Variants in AKAP6 observed in about 807,000 individuals in gnomAD.
AKAP6 encodes the protein A-kinase anchor protein 6.
Under a neutral mutation model 188.5 loss-of-function variants are expected in AKAP6, and 58 were observed. The observed-to-expected ratio is 0.31, with a 90% CI of 0.25 to 0.38. AKAP6 has a LOEUF of 0.38. AKAP6 is among the 10% of genes least tolerant of loss of function. The probability of loss-of-function intolerance (pLI) is 1.00; values close to 1 mark genes in which losing one functional copy is unlikely to be tolerated. For synonymous variants in AKAP6, 989 were observed against 998.6 expected (o/e 0.99, Z 0.18); for missense variants, 2,710 against 2,740.0 (o/e 0.99, Z 0.24).
chr14:32,517,736 C>T (rs542108056), intron 2 of AKAP6, among the ~76,000 whole-genome samples: 2 of 152,336 alleles, frequency 1.3e-5, no homozygotes, highest in East Asian at 1.9e-4. Context: ...CTCAAGGAGG[C>T]CTGCCTACCT....
chr14:32,705,723 C>T (rs917820519), intron 9 of AKAP6, among the ~76,000 whole-genome samples: 1 of 152,114 alleles, frequency 6.6e-6, no homozygotes, highest in Non-Finnish European at 1.5e-5. Context: ...AAATATGCCC[C>T]AAATCTCAGA....
intron 1 of AKAP6, among the ~76,000 whole-genome samples, chr14:32,411,958 C>T (rs886129976): frequency 4.6e-5 from 2 of 43,160 alleles, no homozygotes; most frequent in African/African-American, 6.0e-5. Flanking sequence ...AAGCTAATAC[C>T]AGGAAATGGC....
At chr14:32,789,964 A>G (rs1266855082) in intron 12 of AKAP6, among the ~76,000 whole-genome samples, 1 of 152,186 alleles carries the variant, frequency 6.6e-6, no homozygotes, top group Non-Finnish European at 1.5e-5. Context: ...CAAAGAAGCT[A>G]AGAATCACGA....
intron 2 of AKAP6, among the ~76,000 whole-genome samples, chr14:32,470,770 A>C (rs1878733702): frequency 6.6e-6 from 1 of 152,240 alleles, no homozygotes; most frequent in Non-Finnish European, 1.5e-5. Flanking sequence ...TGGAAAATTT[A>C]AAGCTTGATT....
intron 4 of AKAP6, among the ~76,000 whole-genome samples, chr14:32,548,589 T>G (rs1883311987): frequency 6.8e-6 from 1 of 146,142 alleles, no homozygotes; most frequent in Admixed American, 6.8e-5. Context: ...TAGATAGATA[T>G]AAAGAGATGG....
chr14:32,543,432 T>C (rs1310924381), intron 3 of AKAP6, among the ~76,000 whole-genome samples: 1 of 152,234 alleles, frequency 6.6e-6, no homozygotes, highest in Non-Finnish European at 1.5e-5. Flanking sequence ...ACATTTTCTT[T>C]ATCCATTCAC....
chr14:32,820,111 A>G (rs1261660252), intron 12 of AKAP6, among the ~76,000 whole-genome samples: 1 of 152,064 alleles, frequency 6.6e-6, no homozygotes, highest in African/African-American at 2.4e-5. Flanking sequence ...AAGGTTATTA[A>G]GCAGCTTGTC....
chr14:32,396,708 C>A (rs1208271412), intron 1 of AKAP6, among the ~76,000 whole-genome samples: 1 of 152,054 alleles, frequency 6.6e-6, no homozygotes, highest in Non-Finnish European at 1.5e-5. Flanking sequence ...GACTGAGCTG[C>A]CCTTGCCATC....
intron 3 of AKAP6, 148 bp downstream of exon 3, chr14:32,535,953 T>C: frequency 8.3e-7 from 1 of 1,208,960 alleles, no homozygotes; most frequent in Non-Finnish European, 1.1e-6. Flanking sequence ...GACTAGAAGC[T>C]AGGGCACTTC....
At chr14:32,463,778 C>A (rs1428941379) in intron 2 of AKAP6, among the ~76,000 whole-genome samples, 1 of 152,020 alleles carries the variant, frequency 6.6e-6, no homozygotes, top group Admixed American at 6.6e-5. Context: ...GACACAAAAA[C>A]CCTTCAAAAA....
In AKAP6 at chr14:32,824,346, A is replaced by T; in HGVS notation, c.6533A>T (p.Glu2178Val). ...TGTTTCTCTAGTGCTCCTCCAAATG[A>T]ATCTGCAGTTCCCAGCGAAGCTGCA... is the stretch of plus-strand genomic sequence containing the variant. ...EPCFSSAPPN[E>V]SAVPSEAAMP... The change falls in exon 13 of 14, where the codon GAA becomes GTA. Residue 2178 changes from glutamate to valine, a missense_variant. Physicochemically the swap from Glu to Val is moderately radical, Grantham distance 121. Coordinates refer to ENST00000280979, the MANE Select transcript of AKAP6 (RefSeq NM_004274.5). 1 of 1,613,872 alleles carries T rather than the reference A, an allele frequency of 6.2e-7. No individual in the cohort carries two copies. The highest frequency in any genetic ancestry group is 8.5e-7 in the Non-Finnish European group (1 of 1,179,930).
chr14:32,780,155 A>ACATATATATATATATATATATATATATAT (rs140827829), intron 12 of AKAP6, among the ~76,000 whole-genome samples: 1 of 91,502 alleles, frequency 1.1e-5, no homozygotes, highest in African/African-American at 4.1e-5. Context: ...TGAAAAAAAA[A>ACATATATATATATATATATATATATATAT]ACATATATAT....
intron 3 of AKAP6, 94 bp downstream of exon 3, chr14:32,535,899 A>G: frequency 3.3e-6 from 5 of 1,510,224 alleles, no homozygotes; most frequent in Admixed American, 2.0e-5. Context: ...AATTCTTTGT[A>G]GGTAAATAAG....
At chr14:32,501,913 C>A (rs1356610383) in intron 2 of AKAP6, among the ~76,000 whole-genome samples, 1 of 152,110 alleles carries the variant, frequency 6.6e-6, no homozygotes, top group Non-Finnish European at 1.5e-5. Flanking sequence ...TATCCTATTA[C>A]TTCTGTTTTA....
intron 2 of AKAP6, among the ~76,000 whole-genome samples, chr14:32,476,547 C>T (rs1256581311): frequency 1.3e-5 from 2 of 152,202 alleles, no homozygotes; most frequent in Non-Finnish European, 2.9e-5. Flanking sequence ...TGGATTTTAG[C>T]CCTGTTTCCC....
chr14:32,346,176 G>A (rs1887059303), intron 1 of AKAP6, among the ~76,000 whole-genome samples: 1 of 152,154 alleles, frequency 6.6e-6, no homozygotes, highest in Non-Finnish European at 1.5e-5. Flanking sequence ...GCTCTTCCTG[G>A]TAAAGGTGCC....
chr14:32,482,762 A>G (rs1052699019), intron 2 of AKAP6, among the ~76,000 whole-genome samples: 2 of 152,186 alleles, frequency 1.3e-5, no homozygotes, highest in Admixed American at 1.3e-4. Context: ...AACTCAGAAA[A>G]CGTCCCAAAT....
At chr14:32,486,567 T>C (rs4353399) in intron 2 of AKAP6, among the ~76,000 whole-genome samples, 102,061 of 151,954 alleles carry the variant, frequency 0.67, 35,757 homozygotes, top group East Asian at 0.89. Context: ...TATTTTATTC[T>C]CTTTGTAGCA....
intron 2 of AKAP6, among the ~76,000 whole-genome samples, chr14:32,474,960 CTCAGTTTTGTACTTT>C (rs377413358): frequency 0.03 from 4,502 of 152,232 alleles, 89 homozygotes; most frequent in Middle Eastern, 0.041. Context: ...CACATTTGTT[CTCAGTTTTGTACTTT>C]TGAGACACAG....
Sources: allele counts gnomAD v4.1 joint callset (sites outside exome capture counted in the v4.1 genomes callset), GRCh38; gene constraint gnomAD v4.1.1; transcripts MANE v1.5; gene names NCBI Gene and HGNC (gene_info 2026-07-23, HGNC 2026-07-21).